The following ADAMTS15 variants were observed in gnomAD, a reference collection of about 807,000 sequenced individuals.
The protein encoded by ADAMTS15 is ADAM metallopeptidase with thrombospondin type 1 motif 15.
In ADAMTS15, 35 loss-of-function variants were observed where a neutral mutation model predicts 79.1. The ratio of observed to expected loss-of-function variants is 0.44; its 90% CI spans 0.34 to 0.59. The LOEUF is 0.59. ADAMTS15 is among the 20% of genes least tolerant of loss of function. The pLI, the probability that ADAMTS15 is intolerant of heterozygous loss-of-function variation, is 0.02. For missense variants in ADAMTS15, 1,324 were observed against 1,318.7 expected, an observed-to-expected ratio of 1.00 and a Z score of -0.06; for synonymous variants, 616 against 567.3, an observed-to-expected ratio of 1.09 and a Z score of -1.22.
chr11:130,450,014 T>A (rs1937930037), intron 1 of ADAMTS15, 84 bp downstream of exon 1: 2 of 1,540,592 alleles, frequency 1.3e-6, no homozygotes, highest in Middle Eastern at 1.7e-4. Flanking sequence ...CCCCTTTGTA[T>A]CGTGCAATGC....
chr11:130,455,785 A>G (rs1036814297), intron 1 of ADAMTS15, among the ~76,000 whole-genome samples: 1 of 152,196 alleles, frequency 6.6e-6, no homozygotes, highest in African/African-American at 2.4e-5. Flanking sequence ...CAGTGTGTCA[A>G]TGCAGGTGTG....
At chr11:130,455,841 G>A (rs1565391996) in intron 1 of ADAMTS15, among the ~76,000 whole-genome samples, 1 of 152,148 alleles carries the variant, frequency 6.6e-6, no homozygotes, top group Non-Finnish European at 1.5e-5. Context: ...TGGCGCAGAC[G>A]GTGCACTCAG....
At chr11:130,459,255 G>A (rs1938150847) in intron 1 of ADAMTS15, among the ~76,000 whole-genome samples, 1 of 152,066 alleles carries the variant, frequency 6.6e-6, no homozygotes, top group East Asian at 1.9e-4. Flanking sequence ...AGCTACTAGG[G>A]AGGCTGAGGC....
chr11:130,471,395 GC>G lies in ADAMTS15; in HGVS notation c.2078+15del, dbSNP rs770156465. ...TTCACCAAGCCCATGTGAGTTCTGG[GC>G]CCTGAAGGTCCTGCCAGGGAGCAAA... On this transcript the variant is annotated intron_variant, in intron 7 of 7. Transcript: ENST00000299164. The G allele has an allele frequency of 6.3e-7, 1 of 1,597,160 alleles. No homozygotes were observed. The highest frequency in any genetic ancestry group is 8.5e-7 in the Non-Finnish European group (1 of 1,176,180).
At chr11:130,468,704 G>A (rs1592149524) in intron 4 of ADAMTS15, among the ~76,000 whole-genome samples, 1 of 148,668 alleles carries the variant, frequency 6.7e-6, no homozygotes, top group East Asian at 2.0e-4. Flanking sequence ...GGCGGAGCTT[G>A]CAGTGAGCCG....
chr11:130,455,065 C>T (rs535816186), intron 1 of ADAMTS15, among the ~76,000 whole-genome samples: 4 of 152,210 alleles, frequency 2.6e-5, no homozygotes, highest in Admixed American at 1.3e-4. Context: ...CTTGAACTCT[C>T]TAGCAATGGA....
intron 5 of ADAMTS15, 53 bp from the exon 6 acceptor site, chr11:130,470,867 C>A: frequency 6.4e-7 from 1 of 1,565,206 alleles, no homozygotes; most frequent in Non-Finnish European, 8.7e-7. Context: ...TTGTCCTTTG[C>A]ACCGGCCTTG....
At position 130,462,895 on chromosome 11, in the gene ADAMTS15, G is replaced by T; in HGVS notation, c.1542+115G>T. Reference sequence around the variant, plus strand: ...GGTGCCTATCACAGACTGGCCACGGGACCAGCACTGTTGCATGGCTGAGCT... The same window carrying T: ...GGTGCCTATCACAGACTGGCCACGGTACCAGCACTGTTGCATGGCTGAGCT... On this transcript the variant is annotated intron_variant, in intron 4 of 7. Transcript: ENST00000299164. This position sits in a 1 kb window ranked among gnomAD's most constrained non-coding sequence, Gnocchi z 4.3. 7.2e-7 allele frequency: 1 copy of T among 1,392,188 alleles called. No homozygotes were observed. The highest frequency in any genetic ancestry group is 1.4e-5 in the South Asian group (1 of 69,506). 86.2% of individuals were successfully genotyped at this position (1,392,188 alleles called of 1,614,324 possible). A position where few individuals can be genotyped will look rare whatever the true frequency, so the allele number is the denominator to read the frequency against.
chr11:130,470,119 CATATATATATATACAT>C (rs1938390728), intron 5 of ADAMTS15, among the ~76,000 whole-genome samples: 4 of 64,020 alleles, frequency 6.2e-5, no homozygotes, highest in South Asian at 4.7e-4. Flanking sequence ...ATTACTGAAT[CATATATATATATACAT>C]ATATATATAT....
At chr11:130,466,300 TC>T (rs144340888) in intron 4 of ADAMTS15, among the ~76,000 whole-genome samples, 2,673 of 152,288 alleles carry the variant, frequency 0.018, 81 homozygotes, top group African/African-American at 0.06. Context: ...GCTTGAAGAC[TC>T]CCAAATTTGC....
At chr11:130,470,182 GTGTGTATATATATATATATA>G (rs1938414516) in intron 5 of ADAMTS15, among the ~76,000 whole-genome samples, 4 of 72,744 alleles carry the variant, frequency 5.5e-5, no homozygotes, top group African/African-American at 1.5e-4. Context: ...ATATATATAT[GTGTGTATATATATATATATA>G]TATATATGTA....
rs780288294 is a variant in ADAMTS15 at position 130,449,915 on chromosome 11, C to G, written c.942C>G (p.Ile314Met). The G allele has an allele frequency of 1.3e-6, 2 of 1,599,352 alleles. No individual in the cohort carries two copies. Among genetic ancestry groups the G allele is most frequent in the Non-Finnish European group, 1.7e-6 (2 of 1,179,476 alleles). ...ACCCCGAGTACTGGGACACTGCCAT[C>G]CTCTTCACCAGGCAGGTGAGTTGAT... ...DKHPEYWDTAILFTRQDLCGA... is the reference protein window; with the variant it reads ...DKHPEYWDTAMLFTRQDLCGA... The change falls in exon 1 of 8, where the codon ATC becomes ATG. Residue 314 changes from isoleucine (I) to methionine (M), a missense_variant. Coordinates refer to ENST00000299164, the MANE Select transcript of ADAMTS15 (RefSeq NM_139055.4). This position sits in a 1 kb window ranked among gnomAD's most constrained non-coding sequence, Gnocchi z 7.8.
intron 1 of ADAMTS15, among the ~76,000 whole-genome samples, chr11:130,452,257 A>G (rs575122925): frequency 6.6e-6 from 1 of 152,332 alleles, no homozygotes; most frequent in South Asian, 2.1e-4. Flanking sequence ...TACAACAAGT[A>G]TTTTGACAAT....
At chr11:130,469,689 C>T (rs1938381225) in intron 5 of ADAMTS15, among the ~76,000 whole-genome samples, 1 of 152,138 alleles carries the variant, frequency 6.6e-6, no homozygotes, top group Admixed American at 6.5e-5. Flanking sequence ...TCTTTCCACT[C>T]ACCTTTGGCA....
chr11:130,461,622 G>A lies in ADAMTS15; in HGVS notation c.1090+1G>A, dbSNP rs753891286. ...GCCTTCACCACTGCCCACGAGCTGGGTAAGGCTGGATAAGCTCCTCCTGGG... is the reference window on the plus strand; with the variant it reads ...GCCTTCACCACTGCCCACGAGCTGGATAAGGCTGGATAAGCTCCTCCTGGG... On this transcript the variant is annotated splice_donor_variant, in intron 2 of 7. Transcript: ENST00000299164. LOFTEE classifies it high-confidence loss of function. The A allele has an allele frequency of 1.2e-6, 2 of 1,614,080 alleles. No individual in the cohort carries two copies. The highest frequency in any genetic ancestry group is 1.7e-6 in the Non-Finnish European group (2 of 1,180,026).
chr11:130,461,592 C>T lies in ADAMTS15; in HGVS notation c.1061C>T (p.Pro354Leu). 1 of 1,614,188 alleles carries T rather than the reference C, an allele frequency of 6.2e-7. No individual in the cohort carries two copies. Among genetic ancestry groups the T allele is most frequent in the Non-Finnish European group, 8.5e-7 (1 of 1,180,030 alleles). The change falls in exon 2 of 8, where the codon CCA (proline) becomes CTA (leucine). Residue 354 changes from proline (P) to leucine (L), a missense_variant. Transcript: ENST00000299164. ...TCTGTCATTGAGGACGATGGGCTTC[C>T]ATCAGCCTTCACCACTGCCCACGAG... ...SCSVIEDDGL[P>L]SAFTTAHELG...
In ADAMTS15 at chr11:130,472,992, AAGGTCCTC is replaced by A; in HGVS notation, c.2079-48_2079-41del. Reference sequence around the variant, plus strand: ...CTGAGGAAAACAGATCCTGGAGCATAAGGTCCTCAGGTCCAGGCTTCTATCTGATGCAC... The same window carrying A: ...CTGAGGAAAACAGATCCTGGAGCATAAGGTCCAGGCTTCTATCTGATGCAC... On this transcript the variant is annotated intron_variant, in intron 7 of 7. Transcript: ENST00000299164. The surrounding 1 kb of genome is among the most constrained non-coding windows in gnomAD (Gnocchi z 4.7). 6.3e-7 allele frequency: 1 copy of A among 1,583,088 alleles called. No individual in the cohort carries two copies. Among genetic ancestry groups the A allele is most frequent in the South Asian group, 1.2e-5 (1 of 86,174 alleles).
Position 130,449,078 on chromosome 11 carries a change from T to G in ADAMTS15, c.105T>G (p.Ile35Met). The part of the protein sequence containing the change: ...VVVPIRLDPD[I>M]NGRRYYWRGP... ...TTCCCATCCGACTGGACCCGGACAT[T>G]AACGGCCGCCGCTACTACTGGCGGG... is the stretch of plus-strand genomic sequence containing the variant. The change falls in exon 1 of 8, where the codon ATT becomes ATG. Residue 35 changes from isoleucine to methionine, a missense_variant. Ile to Met is a conservative substitution (Grantham distance 10). Transcript: ENST00000299164. This position sits in a 1 kb window ranked among gnomAD's most constrained non-coding sequence, Gnocchi z 7.8. 6.3e-7 allele frequency: 1 copy of G among 1,577,370 alleles called. No homozygotes were observed. The highest frequency in any genetic ancestry group is 8.6e-7 in the Non-Finnish European group (1 of 1,157,788).
intron 1 of ADAMTS15, among the ~76,000 whole-genome samples, chr11:130,453,551 G>A (rs917909786): frequency 4.6e-5 from 7 of 152,038 alleles, no homozygotes; most frequent in African/African-American, 1.7e-4. Flanking sequence ...TCCCACCTCA[G>A]TCTCCTGAGT....
Sources: allele counts gnomAD v4.1 joint callset (sites outside exome capture counted in the v4.1 genomes callset), GRCh38; gene constraint gnomAD v4.1.1; non-coding constraint Gnocchi (gnomAD v3.1); transcripts MANE v1.5; gene names NCBI Gene and HGNC (gene_info 2026-07-23, HGNC 2026-07-21).